MYOF: variants seen among roughly 807,000 people sequenced by gnomAD.
MYOF encodes myoferlin, also known as fer-1-like 3, myoferlin.
A neutral mutation model predicts 284.2 loss-of-function variants in MYOF; 244 were observed. That is an observed-to-expected ratio of 0.86 (90% CI 0.77 to 0.95). MYOF has a LOEUF of 0.95. Among genes scored for constraint, MYOF ranks in the 40% least tolerant of loss-of-function variants. MYOF has a pLI of 0.00. For synonymous variants in MYOF, 904 were observed against 919.7 expected, an observed-to-expected ratio of 0.98 and a Z score of 0.31; for missense variants, 2,496 against 2,560.6, an observed-to-expected ratio of 0.97 and a Z score of 0.54.
chr10:93,413,997 G>A (rs957544199), intron 5 of MYOF, among the ~76,000 whole-genome samples: 2 of 151,822 alleles, frequency 1.3e-5, no homozygotes, highest in African/African-American at 2.4e-5. Context: ...GAAAAAGAAA[G>A]GTAAGAAAAA....
intron 41 of MYOF, among the ~76,000 whole-genome samples, chr10:93,335,655 G>A (rs1473860004): frequency 2.1e-5 from 3 of 140,430 alleles, no homozygotes; most frequent in Non-Finnish European, 3.2e-5. Context: ...TGAGCAGGGA[G>A]GCAGGAAGAG....
chr10:93,309,000 C>T (rs148811962), intron 53 of MYOF, among the ~76,000 whole-genome samples: 1 of 152,302 alleles, frequency 6.6e-6, no homozygotes, highest in Non-Finnish European at 1.5e-5. Context: ...GCATGAGCCA[C>T]CTCGCCCAGC....
chr10:93,396,876 T>C (rs138807367), intron 15 of MYOF, among the ~76,000 whole-genome samples: 188 of 152,342 alleles, frequency 1.2e-3, no homozygotes, highest in African/African-American at 4.0e-3. Flanking sequence ...TTTACCATTT[T>C]CTTTTTAAAC....
At chr10:93,467,157 T>C (rs1014099396) in intron 1 of MYOF, among the ~76,000 whole-genome samples, 1 of 151,468 alleles carries the variant, frequency 6.6e-6, no homozygotes, top group African/African-American at 2.4e-5. Flanking sequence ...ACCTGTGCTC[T>C]TTTTTTTTAA....
intron 1 of MYOF, among the ~76,000 whole-genome samples, chr10:93,461,779 A>T (rs2056889588): frequency 6.6e-6 from 1 of 152,200 alleles, no homozygotes; most frequent in African/African-American, 2.4e-5. Context: ...GCTAAGCTTC[A>T]TTTGGCTGAT....
chr10:93,431,386 C>T, intron 4 of MYOF, 22 bp downstream of exon 4: 2 of 1,602,890 alleles, frequency 1.2e-6, no homozygotes, highest in Non-Finnish European at 1.7e-6. Flanking sequence ...CAAAGCCATT[C>T]AATAAGAGAG....
Position 93,482,149 on chromosome 10 carries a change from T to A in MYOF, c.46A>T (p.Lys16Ter), listed in dbSNP as rs773720695. The change falls in exon 1 of 54, where the codon AAA becomes TAA. Residue 16 changes from lysine (K) to a stop codon, truncating the protein, a stop_gained. Coordinates refer to ENST00000359263, the MANE Select transcript of MYOF (RefSeq NM_013451.4). LOFTEE classifies it high-confidence loss of function. ...ACAATAGGATCCGGCTTGCCAAATTTCGTTTTAGGGATATTGCTGGCAGAT... is the reference window on the plus strand; with the variant it reads ...ACAATAGGATCCGGCTTGCCAAATTACGTTTTAGGGATATTGCTGGCAGAT... Reference protein sequence around the residue: ...VESASNIPKTKFGKPDPIVSV... With the variant: ...VESASNIPKT 2 of 1,614,160 alleles carry A rather than the reference T, an allele frequency of 1.2e-6. No individual in the cohort carries two copies. Among genetic ancestry groups the A allele is most frequent in the South Asian group, 2.2e-5 (2 of 91,084 alleles).
rs758220397 is a variant in MYOF at position 93,310,023 on chromosome 10, C to G, written c.6144G>C (p.Leu2048Phe). The G allele has an allele frequency of 5.6e-6, 9 of 1,614,020 alleles. 1 individual carries two copies. The South Asian group carries it at 9.9e-5, about 18-fold the overall frequency. The part of the protein sequence containing the change: ...LLFVAVLLYS[L>F]PNYLSMKIVK... The stretch of plus-strand genomic sequence containing the variant: ...GGGGCCAAGGAAGGGCTCCTACCGG[C>G]AAAGAGTAGAGGAGCACGGCCACGA... The change falls in exon 53 of 54, where the codon TTG becomes TTC. Residue 2048 changes from leucine to phenylalanine, a missense_variant. Coordinates refer to ENST00000359263, the MANE Select transcript of MYOF (RefSeq NM_013451.4).
intron 16 of MYOF, among the ~76,000 whole-genome samples, chr10:93,394,443 C>CTTTTTTTTTTTTTTTTT (rs1193314228): frequency 1.7e-5 from 1 of 58,908 alleles, no homozygotes; most frequent in Non-Finnish European, 3.7e-5. Context: ...TGGTCACCAT[C>CTTTTTTTTTTTTTTTTT]TTGTCTTTTT....
At chr10:93,479,481 G>C (rs887884197) in intron 1 of MYOF, among the ~76,000 whole-genome samples, 1 of 152,180 alleles carries the variant, frequency 6.6e-6, no homozygotes, top group Non-Finnish European at 1.5e-5. Context: ...CCATCACCAG[G>C]ATTTTAAACC....
At chr10:93,411,108 A>G (rs1847882818) in intron 5 of MYOF, among the ~76,000 whole-genome samples, 1 of 152,280 alleles carries the variant, frequency 6.6e-6, no homozygotes. Context: ...TGGCATACAG[A>G]AGCACCCAAT....
chr10:93,394,262 C>T (rs1047640991), intron 16 of MYOF, among the ~76,000 whole-genome samples: 16 of 151,728 alleles, frequency 1.1e-4, no homozygotes, highest in African/African-American at 3.6e-4. Flanking sequence ...CCACCACACC[C>T]GGCTAATTTT....
chr10:93,361,348 A>G, intron 28 of MYOF, 104 bp downstream of exon 28: 1 of 1,135,560 alleles, frequency 8.8e-7, no homozygotes. Flanking sequence ...GACTCCTGCC[A>G]TAGACCAACA....
chr10:93,402,944 C>T, intron 9 of MYOF, 54 bp from the exon 10 acceptor site: 1 of 1,444,622 alleles, frequency 6.9e-7, no homozygotes, highest in Non-Finnish European at 9.7e-7. Context: ...TCAGTCTAGT[C>T]ACTTTAAAGA....
At position 93,347,632 on chromosome 10, in the gene MYOF, C is replaced by G. The variant is rs766655843; in HGVS notation, c.4234G>C (p.Val1412Leu). 14 of 1,612,110 alleles carry G rather than the reference C, an allele frequency of 8.7e-6. No homozygotes were observed. Among genetic ancestry groups the G allele is most frequent in the Non-Finnish European group, 1.2e-5 (14 of 1,179,384 alleles). ...CDPYAGKEDI[V>L]PQLKASLLSA... ...TGCATGTTACCTTTGAGCTGTGGGA[C>G]GATGTCCTCTTTCCCTGCATAAGGG... Residue 1412 changes from valine to leucine, a missense_variant, in exon 37 of 54, where the codon GTC (valine) becomes CTC (leucine). Physicochemically the swap from Val to Leu is conservative, Grantham distance 32. Transcript: ENST00000359263.
intron 3 of MYOF, among the ~76,000 whole-genome samples, chr10:93,445,134 G>A (rs2056392407): frequency 6.6e-6 from 1 of 152,156 alleles, no homozygotes; most frequent in Non-Finnish European, 1.5e-5. Context: ...TTCTATTTCA[G>A]CAGAGATAAT....
intron 41 of MYOF, among the ~76,000 whole-genome samples, chr10:93,335,530 G>C (rs1350711340): frequency 6.6e-6 from 1 of 152,192 alleles, no homozygotes; most frequent in African/African-American, 2.4e-5. Context: ...AGGGGCAGTA[G>C]GATGAAGAGA....
intron 19 of MYOF, among the ~76,000 whole-genome samples, chr10:93,384,869 A>G (rs1033230047): frequency 6.6e-6 from 1 of 152,208 alleles, no homozygotes; most frequent in African/African-American, 2.4e-5. Flanking sequence ...CACACAAGGC[A>G]TGGGACATTA....
At chr10:93,468,966 G>T (rs1328464393) in intron 1 of MYOF, among the ~76,000 whole-genome samples, 1 of 152,224 alleles carries the variant, frequency 6.6e-6, no homozygotes, top group East Asian at 1.9e-4. Flanking sequence ...CCAAGACCCA[G>T]CTTCTAGTCC....
Sources: gnomAD v4.1 joint callset for allele counts (sites outside exome capture counted in the v4.1 genomes callset) on GRCh38, gnomAD v4.1.1 for gene constraint, MANE v1.5 for transcripts, NCBI Gene and HGNC (gene_info 2026-07-23, HGNC 2026-07-21) for gene names.